Variants in STARD13 observed in about 807,000 individuals in gnomAD.
STARD13 encodes the protein StAR related lipid transfer domain containing 13, also known as stAR-related lipid transfer protein 13.
Under a neutral mutation model 106.4 loss-of-function variants are expected in STARD13, and 62 were observed. The observed-to-expected ratio is 0.58, with a 90% CI of 0.48 to 0.72. The LOEUF is 0.72. STARD13 is among the 30% of genes least tolerant of loss of function. STARD13 has a pLI of 0.00. For synonymous variants in STARD13, 565 were observed against 553.0 expected (o/e 1.02, Z -0.31); for missense variants, 1,387 against 1,424.0 (o/e 0.97, Z 0.42).
chr13:33,371,997 G>A, the STARD13 span, among the ~76,000 whole-genome samples: 3 of 152,206 alleles, frequency 2.0e-5, no homozygotes, highest in Non-Finnish European at 4.4e-5. Flanking sequence ...AGAAAGAAGT[G>A]TGAGGGCCTA....
chr13:33,247,317 G>A (rs1351760900), intron 1 of STARD13, among the ~76,000 whole-genome samples: 1 of 152,158 alleles, frequency 6.6e-6, no homozygotes, highest in Non-Finnish European at 1.5e-5. Flanking sequence ...GCGGCAGAGA[G>A]TCAGAATGGA....
chr13:33,295,971 G>A (rs888236434), intron 1 of STARD13, among the ~76,000 whole-genome samples: 5 of 152,054 alleles, frequency 3.3e-5, no homozygotes, highest in African/African-American at 1.2e-4. Context: ...CAGCAGTTTG[G>A]GATGTCAAGG....
At chr13:33,553,742 T>C in the STARD13 span, among the ~76,000 whole-genome samples, 25 of 151,432 alleles carry the variant, frequency 1.7e-4, no homozygotes, top group Admixed American at 1.4e-3. Flanking sequence ...ACCACGCCTG[T>C]CTAATTTTTG....
intron 1 of STARD13, among the ~76,000 whole-genome samples, chr13:33,215,119 TGG>T (rs71196512): frequency 0.018 from 1,382 of 75,562 alleles, 19 homozygotes; most frequent in African/African-American, 0.056. Flanking sequence ...AATGAGTACT[TGG>T]GGGGGGGGGT....
the STARD13 span, chr13:33,659,853 A>G: frequency 6.6e-6 from 1 of 152,208 alleles, no homozygotes; most frequent in African/African-American, 2.4e-5. Context: ...GCCATTTATG[A>G]GAAAATTCAA....
intron 1 of STARD13, among the ~76,000 whole-genome samples, chr13:33,293,301 G>C (rs903214024): frequency 6.6e-6 from 1 of 152,078 alleles, no homozygotes; most frequent in African/African-American, 2.4e-5. Flanking sequence ...TGTAAGTCCT[G>C]GCACAGAGTG....
chr13:33,582,172 A>C, the STARD13 span, among the ~76,000 whole-genome samples: 1 of 151,656 alleles, frequency 6.6e-6, no homozygotes, highest in Non-Finnish European at 1.5e-5. Flanking sequence ...CAGTGAGCCG[A>C]GATCACGTCA....
chr13:33,187,107 G>A (rs1885835559), intron 1 of STARD13, among the ~76,000 whole-genome samples: 1 of 152,164 alleles, frequency 6.6e-6, no homozygotes, highest in African/African-American at 2.4e-5. Flanking sequence ...TGACCCCCAA[G>A]GAATCATTGA....
At chr13:33,607,292 A>G in the STARD13 span, among the ~76,000 whole-genome samples, 6 of 149,838 alleles carry the variant, frequency 4.0e-5, no homozygotes, top group Non-Finnish European at 8.9e-5. Context: ...GTCAGCTATC[A>G]TTGTTTCTTT....
At chr13:33,507,366 A>C in the STARD13 span, among the ~76,000 whole-genome samples, 1 of 152,168 alleles carries the variant, frequency 6.6e-6, no homozygotes, top group Non-Finnish European at 1.5e-5. Flanking sequence ...TTCTAATTAC[A>C]TTAACTTTTT....
chr13:33,345,140 G>A (rs553333772), downstream of STARD13, among the ~76,000 whole-genome samples: 11 of 152,320 alleles, frequency 7.2e-5, no homozygotes, highest in East Asian at 1.5e-3. Context: ...TCTCATTCTT[G>A]TAGCTCTCCC....
chr13:33,167,104 C>A (rs1322723687), intron 2 of STARD13, among the ~76,000 whole-genome samples: 2 of 151,818 alleles, frequency 1.3e-5, no homozygotes, highest in Admixed American at 6.6e-5. Context: ...CATGTTATAT[C>A]TTGACATTTT....
chr13:33,154,981 C>T (rs1881776864), intron 3 of STARD13, among the ~76,000 whole-genome samples: 1 of 152,048 alleles, frequency 6.6e-6, no homozygotes, highest in South Asian at 2.1e-4. Flanking sequence ...GGGCTTCTTT[C>T]CTTCCCCTTC....
At chr13:33,457,599 C>T in the STARD13 span, among the ~76,000 whole-genome samples, 7 of 152,184 alleles carry the variant, frequency 4.6e-5, no homozygotes, top group East Asian at 1.3e-3. Flanking sequence ...GACTGGGTGG[C>T]TCATAAACAA....
the STARD13 span, among the ~76,000 whole-genome samples, chr13:33,616,747 G>A: frequency 1.3e-5 from 2 of 152,204 alleles, no homozygotes; most frequent in East Asian, 1.9e-4. Context: ...TTATGCTGTA[G>A]TAATTAAGTA....
At chr13:33,179,369 C>A (rs74881928) in intron 1 of STARD13, among the ~76,000 whole-genome samples, 2,548 of 152,242 alleles carry the variant, frequency 0.017, 53 homozygotes, top group South Asian at 0.092. Flanking sequence ...ACAGGAGTAC[C>A]TACCTCAGAG....
chr13:33,497,957 C>T, the STARD13 span, among the ~76,000 whole-genome samples: 1 of 152,134 alleles, frequency 6.6e-6, no homozygotes, highest in African/African-American at 2.4e-5. Context: ...CTCTGTAATA[C>T]GAAATGAGTT....
chr13:33,144,532 G>A (rs1248527573), intron 3 of STARD13, among the ~76,000 whole-genome samples: 5 of 152,166 alleles, frequency 3.3e-5, no homozygotes, highest in Admixed American at 6.5e-5. Context: ...ACTGAAATAC[G>A]TTTAATGACT....
rs1433652465 is a variant in STARD13, at chr13:33,177,793, AAGGAAGGAAAGGAAGG to A, written c.170-10187_170-10172del. ...AAAGGAAGGAAGGAAGGAAGGAAGGAAGGAAGGAAAGGAAGGAAGGAAGGAAGGAAGGAAGGAAGGA... is the reference window on the plus strand; with the variant it reads ...AAAGGAAGGAAGGAAGGAAGGAAGGAAAGGAAGGAAGGAAGGAAGGAAGGA... On this transcript the variant is annotated intron_variant, in intron 1 of 13. Transcript: ENST00000336934. Among the ~76,000 whole-genome samples the A allele has an allele frequency of 8.6e-5, 3 of 34,908 alleles. 1 individual carries two copies. The highest frequency in any genetic ancestry group is 4.5e-4 in the African/African-American group (3 of 6,674). The allele number at this position is 34,908 out of a possible 152,430, so 22.9% of individuals were successfully genotyped here. A position where few individuals can be genotyped will look rare whatever the true frequency, so the allele number is the denominator to read the frequency against.
Sources: gnomAD v4.1 joint callset for allele counts (sites outside exome capture counted in the v4.1 genomes callset) on GRCh38, gnomAD v4.1.1 for gene constraint, MANE v1.5 for transcripts, NCBI Gene and HGNC (gene_info 2026-07-23, HGNC 2026-07-21) for gene names.